MAGI2: variants seen among roughly 807,000 people sequenced by gnomAD.
The protein encoded by MAGI2 is membrane-associated guanylate kinase, WW and PDZ domain-containing protein 2.
A neutral mutation model predicts 133.3 loss-of-function variants in MAGI2; 35 were observed. That is an observed-to-expected ratio of 0.26 (90% CI 0.20 to 0.35). The LOEUF is 0.35. Among genes scored for constraint, MAGI2 ranks in the 10% least tolerant of loss-of-function variants. The probability of loss-of-function intolerance (pLI) is 1.00; values close to 1 mark genes in which losing one functional copy is unlikely to be tolerated. For synonymous variants in MAGI2, 729 were observed against 710.6 expected (o/e 1.03, Z -0.41); for missense variants, 1,636 against 1,863.4 (o/e 0.88, Z 2.25).
chr7:79,392,812 C>T (rs1844764371), intron 1 of MAGI2, among the ~76,000 whole-genome samples: 1 of 152,272 alleles, frequency 6.6e-6, no homozygotes, highest in South Asian at 2.1e-4. Context: ...TCCTTTTTCA[C>T]TTATAGTAAA....
intron 12 of MAGI2, among the ~76,000 whole-genome samples, chr7:78,189,076 C>T (rs3807658): frequency 0.28 from 42,104 of 152,110 alleles, 6,409 homozygotes; most frequent in South Asian, 0.36. Flanking sequence ...GTGCAAACTA[C>T]AACTCTTGCT....
intron 1 of MAGI2, among the ~76,000 whole-genome samples, chr7:79,127,801 T>C (rs1407071365): frequency 6.6e-6 from 1 of 152,222 alleles, no homozygotes; most frequent in Non-Finnish European, 1.5e-5. Flanking sequence ...CTCTTTACTT[T>C]AATTAGATCC....
intron 1 of MAGI2, among the ~76,000 whole-genome samples, chr7:79,391,814 G>T (rs1288666845): frequency 6.6e-6 from 1 of 151,936 alleles, no homozygotes; most frequent in East Asian, 1.9e-4. Context: ...CTCCCCAGCA[G>T]CTGGGACTAC....
rs1356167954 is a variant in MAGI2 at position 78,458,648 on chromosome 7, T to TTA, written c.1045+31112_1045+31113insTA. On this transcript the variant is annotated intron_variant, in intron 6 of 21. Transcript: ENST00000354212. Reference sequence around the variant, plus strand: ...ATCTGTTTTTTGTTAGGTTTTTTTTTTTTTGAGACAGAGTCTCACTCTGTT... The same window carrying TTA: ...ATCTGTTTTTTGTTAGGTTTTTTTTTTATTTTGAGACAGAGTCTCACTCTGTT... Among the ~76,000 whole-genome samples, 10 of 151,798 alleles carry TTA rather than the reference T, an allele frequency of 6.6e-5. No individual in the cohort carries two copies. In the East Asian group the frequency reaches 7.7e-4, roughly 12 times the overall value.
intron 6 of MAGI2, chr7:78,485,017 C>CT (rs1162766306): frequency 6.6e-6 from 1 of 151,922 alleles, no homozygotes; most frequent in Non-Finnish European, 1.5e-5. Flanking sequence ...AAGAATGGTC[C>CT]TACAAGGCTT....
chr7:79,026,213 A>C (rs578072585), intron 1 of MAGI2, among the ~76,000 whole-genome samples: 98 of 152,324 alleles, frequency 6.4e-4, no homozygotes, highest in African/African-American at 2.4e-3. Context: ...CAATTAATCA[A>C]ATATATTCTC....
chr7:78,840,143 A>T (rs890463960), intron 2 of MAGI2, among the ~76,000 whole-genome samples: 2 of 152,028 alleles, frequency 1.3e-5, no homozygotes, highest in South Asian at 2.1e-4. Flanking sequence ...TCAATTCAAC[A>T]TTTGGCTCCC....
intron 16 of MAGI2, among the ~76,000 whole-genome samples, chr7:78,157,065 G>A (rs974776288): frequency 1.3e-5 from 2 of 152,078 alleles, no homozygotes; most frequent in African/African-American, 4.8e-5. Flanking sequence ...GAGACACTTC[G>A]CATTTCTCTT....
intron 1 of MAGI2, among the ~76,000 whole-genome samples, chr7:79,215,050 C>T (rs1003139751): frequency 6.6e-6 from 1 of 151,566 alleles, no homozygotes; most frequent in African/African-American, 2.4e-5. Context: ...AATAGACCCC[C>T]TCTAAGCCAA....
chr7:78,807,949 C>T (rs1278310059), intron 2 of MAGI2, among the ~76,000 whole-genome samples: 4 of 152,064 alleles, frequency 2.6e-5, no homozygotes, highest in Admixed American at 2.6e-4. Flanking sequence ...GTGCCTTGCC[C>T]CAGACTTAGG....
chr7:78,494,715 C>T (rs1277727151), intron 5 of MAGI2, among the ~76,000 whole-genome samples: 4 of 152,116 alleles, frequency 2.6e-5, no homozygotes, highest in African/African-American at 4.8e-5. Flanking sequence ...AATTCAATTT[C>T]ATCAACTGAA....
rs75546559 is a variant in MAGI2, at chr7:79,116,611, G to A, written c.302-109405C>T. ...TTCCAGGGATGTGGTTTGGATATGC[G>A]TCCCTCCAAAACTCATGTTGAAAGA... On this transcript the variant is annotated intron_variant, in intron 1 of 21. Coordinates refer to ENST00000354212, the MANE Select transcript of MAGI2 (RefSeq NM_012301.4). 1.7e-3 allele frequency among the ~76,000 whole-genome samples: 254 copies of A among 152,156 alleles called. 3 individuals carry two copies. The highest frequency in any genetic ancestry group is 1.7e-3 in the East Asian group (9 of 5,158).
intron 9 of MAGI2, among the ~76,000 whole-genome samples, chr7:78,269,482 G>A (rs1176966228): frequency 1.3e-5 from 2 of 152,134 alleles, no homozygotes; most frequent in Admixed American, 1.3e-4. Flanking sequence ...CATTCTAACT[G>A]GCATGAGATA....
At chr7:78,664,467 CT>C (rs570757586) in intron 2 of MAGI2, among the ~76,000 whole-genome samples, 40 of 151,876 alleles carry the variant, frequency 2.6e-4, no homozygotes, top group Non-Finnish European at 4.6e-4. Flanking sequence ...GATTATGTAT[CT>C]TTTTTTAGAT....
intron 2 of MAGI2, among the ~76,000 whole-genome samples, chr7:78,896,214 T>C (rs1799015): frequency 0.47 from 70,965 of 151,870 alleles, 18,052 homozygotes; most frequent in South Asian, 0.61. Flanking sequence ...CTTTATTATA[T>C]TTCAGAATCT....
chr7:78,562,872 T>G (rs955102093), intron 3 of MAGI2, among the ~76,000 whole-genome samples: 1 of 152,146 alleles, frequency 6.6e-6, no homozygotes, highest in African/African-American at 2.4e-5. Flanking sequence ...TGCTACTGAA[T>G]TTTTGCTTTG....
chr7:78,584,982 C>G (rs957680114), intron 3 of MAGI2, among the ~76,000 whole-genome samples: 35 of 152,156 alleles, frequency 2.3e-4, no homozygotes, highest in Middle Eastern at 3.4e-3. Flanking sequence ...CTAATCTGTG[C>G]CTGCTACTAG....
intron 6 of MAGI2, among the ~76,000 whole-genome samples, chr7:78,393,042 C>T (rs75374058): frequency 0.053 from 8,110 of 152,078 alleles, 305 homozygotes; most frequent in South Asian, 0.095. Context: ...GTAAAAAAAA[C>T]GATTAGAACC....
intron 10 of MAGI2, among the ~76,000 whole-genome samples, chr7:78,236,851 A>G (rs933704904): frequency 6.6e-5 from 10 of 152,220 alleles, no homozygotes; most frequent in African/African-American, 2.2e-4. Flanking sequence ...AAAGTTTCAC[A>G]TGGCTGGGGA....
Sources: allele counts gnomAD v4.1 joint callset (sites outside exome capture counted in the v4.1 genomes callset), GRCh38; gene constraint gnomAD v4.1.1; transcripts MANE v1.5; gene names NCBI Gene and HGNC (gene_info 2026-07-23, HGNC 2026-07-21).